TXNDC16: variants seen among roughly 807,000 people sequenced by gnomAD.
TXNDC16 encodes thioredoxin domain containing 16.
TXNDC16 carries 74 observed loss-of-function variants against 85.6 expected under a neutral mutation model. That is an observed-to-expected ratio of 0.86 (90% CI 0.72 to 1.05). TXNDC16 has a LOEUF of 1.05. Among genes scored for constraint, TXNDC16 ranks in the 50% least tolerant of loss-of-function variants. TXNDC16 has a pLI of 0.00. For missense variants in TXNDC16, 959 were observed against 947.0 expected (o/e 1.01, Z -0.17); for synonymous variants, 335 against 326.5 (o/e 1.03, Z -0.28).
intron 10 of TXNDC16, 110 bp downstream of exon 10, chr14:52,490,728 GA>G: frequency 8.5e-7 from 1 of 1,176,326 alleles, no homozygotes; most frequent in Non-Finnish European, 1.2e-6. Context: ...AACTATATTG[GA>G]ATCTATTAGA....
In TXNDC16 at chr14:52,470,575, C is replaced by G; in HGVS notation, c.1418G>C (p.Gly473Ala). 6.2e-7 allele frequency: 1 copy of G among 1,613,868 alleles called. No homozygotes were observed. The highest frequency in any genetic ancestry group is 8.5e-7 in the Non-Finnish European group (1 of 1,179,898). ...EFPIIKMYKK[G>A]ENPVSYAGML... is the part of the protein sequence containing the mutation. ...TCCAGCATAAGATACTGGGTTCTCG[C>G]CTTTCTTGTACATCTTTATGATAGG... The change falls in exon 15 of 21, where the codon GGC becomes GCC. Residue 473 changes from glycine (G) to alanine (A), a missense_variant. Coordinates refer to ENST00000281741, the MANE Select transcript of TXNDC16 (RefSeq NM_020784.3).
intron 14 of TXNDC16, among the ~76,000 whole-genome samples, chr14:52,472,874 G>A (rs2035940067): frequency 6.6e-6 from 1 of 152,174 alleles, no homozygotes; most frequent in Non-Finnish European, 1.5e-5. Flanking sequence ...CAAGCTGCAA[G>A]GGTGCACGTA....
intron 6 of TXNDC16, among the ~76,000 whole-genome samples, chr14:52,521,120 C>T (rs1238449300): frequency 6.7e-6 from 1 of 148,300 alleles, no homozygotes; most frequent in African/African-American, 2.5e-5. Flanking sequence ...TGGTGTTTTA[C>T]TTTTTTTTTT....
intron 20 of TXNDC16, 122 bp downstream of exon 20, chr14:52,439,082 C>T: frequency 9.5e-7 from 1 of 1,052,052 alleles, no homozygotes; most frequent in Non-Finnish European, 1.4e-6. Context: ...AGAGACTGTC[C>T]ACATGGATGA....
intron 9 of TXNDC16, among the ~76,000 whole-genome samples, chr14:52,497,955 G>C (rs575610984): frequency 6.6e-6 from 1 of 151,266 alleles, no homozygotes; most frequent in East Asian, 1.9e-4. Context: ...ATGAGCAAGA[G>C]GGATTTATGC....
At chr14:52,464,610 A>G (rs535091816) in intron 16 of TXNDC16, among the ~76,000 whole-genome samples, 1 of 151,968 alleles carries the variant, frequency 6.6e-6, no homozygotes, top group Admixed American at 6.6e-5. Context: ...AATTTTTCAT[A>G]AAAATTTTTT....
At chr14:52,512,446 G>A (rs1461251189) in intron 8 of TXNDC16, among the ~76,000 whole-genome samples, 1 of 152,112 alleles carries the variant, frequency 6.6e-6, no homozygotes, top group Non-Finnish European at 1.5e-5. Flanking sequence ...CCTCCAATAA[G>A]ATAGGACAAA....
chr14:52,536,682 A>G (rs1173951063), intron 6 of TXNDC16, 37 bp downstream of exon 6: 1 of 1,500,322 alleles, frequency 6.7e-7, no homozygotes, highest in Non-Finnish European at 9.1e-7. Context: ...CAGATAAGTA[A>G]CAAGTAAACA....
intron 9 of TXNDC16, among the ~76,000 whole-genome samples, chr14:52,497,340 C>T (rs2036555132): frequency 6.6e-6 from 1 of 151,966 alleles, no homozygotes; most frequent in Non-Finnish European, 1.5e-5. Context: ...AATCAAAAAC[C>T]TCCCAACAAA....
chr14:52,518,889 G>A (rs878949899), intron 7 of TXNDC16, among the ~76,000 whole-genome samples: 1 of 151,932 alleles, frequency 6.6e-6, no homozygotes, highest in Admixed American at 6.6e-5. Flanking sequence ...TAACAGGTAG[G>A]CACAATTTAT....
intron 12 of TXNDC16, 68 bp from the exon 13 acceptor site, chr14:52,483,033 T>TA: frequency 1.5e-6 from 2 of 1,293,430 alleles, no homozygotes; most frequent in Middle Eastern, 2.4e-4. Context: ...GCTCTTCTCA[T>TA]AGGAAGCATA....
Position 52,431,311 on chromosome 14 carries a change from A to C in TXNDC16, c.*993T>G, listed in dbSNP as rs2034888521. On this transcript the variant is annotated 3_prime_UTR_variant, in exon 21 of 21. Transcript: ENST00000281741. The stretch of plus-strand genomic sequence containing the variant: ...ATGGCAGAATGCTGAATCCCTGTTC[A>C]ATCTGAAATTTAGCCATATAACTTG... 1 of 152,354 alleles carries C rather than the reference A, an allele frequency of 6.6e-6. No homozygotes were observed. The highest frequency in any genetic ancestry group is 6.5e-5 in the Admixed American group (1 of 15,308). The allele number at this position is 152,354 out of a possible 1,614,324, so 9.4% of individuals were successfully genotyped here. A position where few individuals can be genotyped will look rare whatever the true frequency, so the allele number is the denominator to read the frequency against.
Position 52,470,759 on chromosome 14 carries a change from T to C in TXNDC16, c.1313-79A>G. 2.2e-6 allele frequency: 3 copies of C among 1,360,452 alleles called. No individual in the cohort carries two copies. The South Asian group carries it at 4.5e-5, about 20-fold the overall frequency. The allele number at this position is 1,360,452 out of a possible 1,614,324, so 84.3% of individuals were successfully genotyped here. ...GCTTAGGATCTTCAGTATTTTTCTA[T>C]CCCATTCTTATTTTAACCTCTCAGC... On this transcript the variant is annotated intron_variant, in intron 14 of 20. Transcript: ENST00000281741.
chr14:52,439,546 T>A (rs927393810), intron 19 of TXNDC16, 152 bp from the exon 20 acceptor site: 8 of 668,292 alleles, frequency 1.2e-5, no homozygotes, highest in African/African-American at 3.7e-5. Flanking sequence ...GTCTACGACA[T>A]GTTATTAGTA....
intron 9 of TXNDC16, among the ~76,000 whole-genome samples, chr14:52,498,306 G>C (rs1045061370): frequency 4.6e-5 from 7 of 151,616 alleles, no homozygotes; most frequent in Non-Finnish European, 7.4e-5. Flanking sequence ...ACACCAATTA[G>C]GTAAGGAAAA....
chr14:52,483,955 C>T (rs1042102251), intron 12 of TXNDC16, among the ~76,000 whole-genome samples: 2 of 152,076 alleles, frequency 1.3e-5, no homozygotes, highest in Non-Finnish European at 2.9e-5. Context: ...AGAAGAAAGG[C>T]AGTGGTGGCA....
At chr14:52,533,471 T>C (rs1168979992) in intron 6 of TXNDC16, among the ~76,000 whole-genome samples, 1 of 152,130 alleles carries the variant, frequency 6.6e-6, no homozygotes, top group African/African-American at 2.4e-5. Context: ...CATAGACATA[T>C]CTCACATCCA....
intron 12 of TXNDC16, among the ~76,000 whole-genome samples, chr14:52,483,548 G>T (rs2036197889): frequency 2.6e-5 from 4 of 152,158 alleles, no homozygotes; most frequent in Admixed American, 2.6e-4. Context: ...CACATACAAG[G>T]CTGAGGGAAG....
chr14:52,514,756 T>C (rs2140186690), intron 8 of TXNDC16, 124 bp downstream of exon 8: 1 of 659,282 alleles, frequency 1.5e-6, no homozygotes, highest in East Asian at 2.6e-5. Context: ...TATATTCACA[T>C]CTGCTATGGT....
Sources: allele counts gnomAD v4.1 joint callset (sites outside exome capture counted in the v4.1 genomes callset), GRCh38; gene constraint gnomAD v4.1.1; transcripts MANE v1.5; gene names NCBI Gene and HGNC (gene_info 2026-07-23, HGNC 2026-07-21).